Variants in TTC16 observed in about 807,000 individuals in gnomAD.
TTC16 encodes the protein tetratricopeptide repeat protein 16.
TTC16 carries 66 observed loss-of-function variants against 80.4 expected under a neutral mutation model. The ratio of observed to expected loss-of-function variants is 0.82; its 90% CI spans 0.67 to 1.01. The LOEUF (loss-of-function observed/expected upper bound fraction) is 1.01. Ranked by LOEUF, TTC16 falls within the 50% of genes least tolerant of loss-of-function variation. TTC16 has a pLI of 0.00. For missense variants in TTC16, 1,070 were observed against 1,103.2 expected (o/e 0.97, Z 0.43); for synonymous variants, 438 against 451.3 (o/e 0.97, Z 0.37).
intron 4 of TTC16, among the ~76,000 whole-genome samples, chr9:127,719,158 C>T (rs977299579): frequency 1.6e-4 from 25 of 151,632 alleles, no homozygotes; most frequent in African/African-American, 5.6e-4. Flanking sequence ...TTGCAGTGAG[C>T]CAAGATCGTG....
chr9:127,724,851 A>G lies in TTC16; in HGVS notation c.1213A>G (p.Met405Val). 1.3e-6 allele frequency: 2 copies of G among 1,591,690 alleles called. No individual in the cohort carries two copies. Among genetic ancestry groups the G allele is most frequent in the South Asian group, 1.1e-5 (1 of 88,528 alleles). ...TCAGGACGAGGGCGCCAACACGCGC[A>G]TGGGCCTGCTGCAGGAGAAGATGGG... The part of the protein sequence containing the change: ...SPQDEGANTR[M>V]GLLQEKMGFC... The change falls in exon 9 of 14, where the codon ATG (methionine) becomes GTG (valine). Residue 405 changes from methionine (M) to valine (V), a missense_variant. Coordinates refer to ENST00000373289, the MANE Select transcript of TTC16 (RefSeq NM_144965.3).
In TTC16 at chr9:127,716,777, G is replaced by C. The variant is rs555970103; in HGVS notation, c.19-67G>C. The C allele has an allele frequency of 7.3e-4, 1,122 of 1,545,464 alleles. 16 individuals are homozygous for C. The South Asian group carries it at 0.012, about 17-fold the overall frequency. ...CTCTCCTCCCTCCCTGCAGAATGCT[G>C]GGGAGTGTGTCAGTGGGTGGGGGTC... On this transcript the variant is annotated intron_variant, in intron 1 of 13. Transcript: ENST00000373289.
chr9:127,720,692 G>A (rs1215048891), intron 6 of TTC16, among the ~76,000 whole-genome samples: 4 of 151,586 alleles, frequency 2.6e-5, no homozygotes, highest in Non-Finnish European at 4.4e-5. Context: ...TCACACCCTG[G>A]GGGAGGTGTC....
In TTC16 at chr9:127,731,124, C is replaced by T. The variant is rs1482522159; in HGVS notation, c.2341C>T (p.Arg781Trp). 7.4e-6 allele frequency: 12 copies of T among 1,611,500 alleles called. No homozygotes were observed. Among genetic ancestry groups the T allele is most frequent in the South Asian group, 2.2e-5 (2 of 90,922 alleles). The change falls in exon 14 of 14, where the codon CGG (arginine) becomes TGG (tryptophan). Residue 781 changes from arginine (R) to tryptophan (W), a missense_variant. Arg to Trp is a moderately radical substitution (Grantham distance 101). Transcript: ENST00000373289. The stretch of plus-strand genomic sequence containing the variant: ...CAGAAAGGTCAAGGCTGCTCGTGGC[C>T]GGAGCTGGAGACCCAGCAAGGTTGA... ...RPRKVKAARG[R>W]SWRPSKVDAT...
In TTC16 at chr9:127,718,890, G is replaced by A. The variant is rs917128275; in HGVS notation, c.426+1118G>A. On this transcript the variant is annotated intron_variant, in intron 4 of 13. Coordinates refer to ENST00000373289, the MANE Select transcript of TTC16 (RefSeq NM_144965.3). This position sits in a 1 kb window ranked among gnomAD's most constrained non-coding sequence, Gnocchi z 4.6. The stretch of plus-strand genomic sequence containing the variant: ...TACAGGTGTGAGCTACTGCGCCTGG[G>A]CTTGATGTCTTTTCTTTATGTCAAA... Among the ~76,000 whole-genome samples the A allele has an allele frequency of 2.6e-5, 4 of 151,478 alleles. No homozygotes were observed. The East Asian group carries it at 7.9e-4, about 30-fold the overall frequency.
At position 127,716,114 on chromosome 9, in the gene TTC16, A is replaced by G. The variant is rs767231714; in HGVS notation, c.-32A>G. 1.2e-6 allele frequency: 2 copies of G among 1,613,920 alleles called. No individual in the cohort carries two copies. Among genetic ancestry groups the G allele is most frequent in the East Asian group, 4.5e-5 (2 of 44,888 alleles). On this transcript the variant is annotated 5_prime_UTR_variant, in exon 1 of 14. Transcript: ENST00000373289. ...GGGCCAGGGCCGCGAGGTAGTTGGC[A>G]GAGGCCTCGGGGTCCTCCTGGAAGG...
intron 9 of TTC16, 105 bp downstream of exon 9, chr9:127,725,002 CG>C (rs1588446205): frequency 1.5e-6 from 2 of 1,342,130 alleles, no homozygotes; most frequent in East Asian, 2.7e-5. Context: ...CTTCTCTCCT[CG>C]GGGGCGATGG....
chr9:127,724,590 TG>T (rs1295356202), intron 8 of TTC16, 165 bp from the exon 9 acceptor site: 4 of 1,128,708 alleles, frequency 3.5e-6, no homozygotes, highest in East Asian at 5.2e-5. Context: ...AACAGGCAGC[TG>T]GGGAACAGTG....
intron 4 of TTC16, 148 bp downstream of exon 4, chr9:127,717,920 G>T: frequency 9.4e-7 from 1 of 1,068,060 alleles, no homozygotes; most frequent in South Asian, 1.7e-5. Context: ...CTCCAAGGCT[G>T]GTTTACTGCC....
chr9:127,730,609 T>G, intron 13 of TTC16, 27 bp from the exon 14 acceptor site: 1 of 1,605,378 alleles, frequency 6.2e-7, no homozygotes, highest in Non-Finnish European at 8.5e-7. Flanking sequence ...GCAGGCCTGA[T>G]GGGTGCTTTT....
intron 9 of TTC16, among the ~76,000 whole-genome samples, chr9:127,725,756 C>T (rs1055843811): frequency 3.2e-4 from 49 of 151,778 alleles, no homozygotes; most frequent in Middle Eastern, 3.4e-3. Context: ...CCTGCCACCA[C>T]GCCCAGCTAA....
In TTC16 at chr9:127,731,030, T is replaced by C; in HGVS notation, c.2247T>C (p.Ile749=). Residue 749 remains isoleucine (I), a synonymous_variant, in exon 14 of 14, where the codon ATT becomes ATC. Transcript: ENST00000373289. ...GCCAGAGGCAGAGCTCCAGCGAGAT[T>C]GAGGCCACCCAGGGCCCAAGGCAGG... ...TQGQRQSSSE[I]EATQGPRQEP... is the part of the protein sequence containing the mutation. The C allele has an allele frequency of 3.7e-6, 6 of 1,607,522 alleles. No homozygotes were observed. Among genetic ancestry groups the C allele is most frequent in the Non-Finnish European group, 5.1e-6 (6 of 1,178,154 alleles).
Position 127,718,844 on chromosome 9 carries a change from G to A in TTC16, c.426+1072G>A, listed in dbSNP as rs1384952798. Among the ~76,000 whole-genome samples, 4 of 151,452 alleles carry A rather than the reference G, an allele frequency of 2.6e-5. No homozygotes were observed. Among genetic ancestry groups the A allele is most frequent in the East Asian group, 2.0e-4 (1 of 5,068 alleles). ...TGACCTCAAGTAATCCTCCCGCCTC[G>A]GCCTCCCAAAGTGCTGGGATTACAG... On this transcript the variant is annotated intron_variant, in intron 4 of 13. Transcript: ENST00000373289. The surrounding 1 kb of genome is among the most constrained non-coding windows in gnomAD (Gnocchi z 4.6).
chr9:127,729,564 C>T lies in TTC16; in HGVS notation c.1765-17C>T, dbSNP rs543126683. 1.9e-6 allele frequency: 3 copies of T among 1,611,708 alleles called. No homozygotes were observed. The highest frequency in any genetic ancestry group is 1.7e-5 in the Admixed American group (1 of 60,016). ...GCCTCCTACCATCTGAACTACAAAG[C>T]CTGTTTCTTGCCATAGGAGAAAAAA... is the stretch of plus-strand genomic sequence containing the variant. On this transcript the variant is annotated splice_polypyrimidine_tract_variant and intron_variant, in intron 12 of 13. Coordinates refer to ENST00000373289, the MANE Select transcript of TTC16 (RefSeq NM_144965.3).
intron 2 of TTC16, 152 bp from the exon 3 acceptor site, chr9:127,717,182 A>T (rs1843094382): frequency 1.7e-6 from 2 of 1,189,014 alleles, no homozygotes; most frequent in South Asian, 1.3e-5. Flanking sequence ...GCTGGACTCC[A>T]GGAACACCAG....
rs202066294 is a variant in TTC16, at chr9:127,724,133, C to T, written c.886C>T (p.Arg296Ter). The change falls in exon 8 of 14, where the codon CGA becomes TGA. Residue 296 changes from arginine (R) to a stop codon, truncating the protein, a stop_gained. Transcript: ENST00000373289. LOFTEE classifies it high-confidence loss of function. ...SLFLFRGTMY[R>*]RLQEFDGAVE... ...CCCCCCCGACAGGGGCACCATGTACCGACGGCTCCAGGAGTTCGATGGGGC... is the reference window on the plus strand; with the variant it reads ...CCCCCCCGACAGGGGCACCATGTACTGACGGCTCCAGGAGTTCGATGGGGC... The T allele has an allele frequency of 1.9e-4, 311 of 1,611,258 alleles. No homozygotes were observed. The highest frequency in any genetic ancestry group is 2.7e-4 in the Admixed American group (16 of 59,906).
intron 4 of TTC16, 35 bp downstream of exon 4, chr9:127,717,807 C>A: frequency 6.3e-7 from 1 of 1,595,844 alleles, no homozygotes; most frequent in Non-Finnish European, 8.5e-7. Flanking sequence ...GCAGGGCACC[C>A]ACCTCACACT....
chr9:127,720,414 G>T lies in TTC16; in HGVS notation c.657+19G>T. 1 of 1,564,934 alleles carries T rather than the reference G, an allele frequency of 6.4e-7. No homozygotes were observed. The highest frequency in any genetic ancestry group is 1.3e-5 in the African/African-American group (1 of 74,142). On this transcript the variant is annotated intron_variant, in intron 6 of 13. Transcript: ENST00000373289. ...CCAGAAGGTACAGTGGGGAGGGCGG[G>T]CAGGGGCATGCCCCCCAACCTGGGA...
At chr9:127,716,720 T>G in intron 1 of TTC16, 124 bp from the exon 2 acceptor site, 1 of 1,294,552 alleles carries the variant, frequency 7.7e-7, no homozygotes, top group Non-Finnish European at 1.0e-6. Flanking sequence ...GAACCCCGAG[T>G]GGGAGTGCCT....
Sources: allele counts gnomAD v4.1 joint callset (sites outside exome capture counted in the v4.1 genomes callset), GRCh38; gene constraint gnomAD v4.1.1; non-coding constraint Gnocchi (gnomAD v3.1); transcripts MANE v1.5; gene names NCBI Gene and HGNC (gene_info 2026-07-23, HGNC 2026-07-21).